ANO4: variants seen among roughly 807,000 people sequenced by gnomAD.
The protein encoded by ANO4 is anoctamin-4.
Under a neutral mutation model 141.9 loss-of-function variants are expected in ANO4, and 69 were observed. The observed-to-expected ratio is 0.49, with a 90% CI of 0.40 to 0.59. ANO4 has a LOEUF of 0.59. Ranked by LOEUF, ANO4 falls within the 20% of genes least tolerant of loss-of-function variation. The probability of loss-of-function intolerance (pLI) is 0.00; values close to 1 mark genes in which losing one functional copy is unlikely to be tolerated. For missense variants in ANO4, 894 were observed against 1,162.2 expected (o/e 0.77, Z 3.36); for synonymous variants, 350 against 394.3 (o/e 0.89, Z 1.33).
At chr12:100,876,812 G>A (rs913909174) in intron 1 of ANO4, among the ~76,000 whole-genome samples, 10 of 152,148 alleles carry the variant, frequency 6.6e-5, no homozygotes, top group African/African-American at 9.7e-5. Context: ...ATTGGTTGAT[G>A]TGCCTGTTTT....
intron 1 of ANO4, among the ~76,000 whole-genome samples, chr12:100,721,631 T>C (rs759864192): frequency 1.3e-5 from 2 of 152,094 alleles, no homozygotes; most frequent in Non-Finnish European, 2.9e-5. Flanking sequence ...CTGGAAGTCA[T>C]TGTGGAGTCC....
chr12:100,910,228 A>G (rs2041041197), intron 2 of ANO4, among the ~76,000 whole-genome samples: 1 of 152,142 alleles, frequency 6.6e-6, no homozygotes, highest in African/African-American at 2.4e-5. Flanking sequence ...TAAATAAAGA[A>G]ATCATTTTTC....
intron 2 of ANO4, 47 bp from the exon 3 acceptor site, chr12:100,922,179 T>C (rs914794236): frequency 1.7e-5 from 23 of 1,379,038 alleles, no homozygotes; most frequent in Non-Finnish European, 2.2e-5. Context: ...AATGACAGAC[T>C]CTCTGATAAC....
chr12:101,108,411 A>C (rs1286753823), intron 22 of ANO4, among the ~76,000 whole-genome samples: 2 of 152,064 alleles, frequency 1.3e-5, no homozygotes, highest in Admixed American at 6.6e-5. Context: ...GTCCTTTCTT[A>C]CTTAACTTGT....
chr12:100,840,297 G>C (rs1233614370), intron 1 of ANO4, among the ~76,000 whole-genome samples: 1 of 152,094 alleles, frequency 6.6e-6, no homozygotes, highest in African/African-American at 2.4e-5. Flanking sequence ...ATTGGTTCTT[G>C]TAAGTGTTGA....
At chr12:100,870,816 A>C (rs1423765943) in intron 1 of ANO4, among the ~76,000 whole-genome samples, 2 of 152,178 alleles carry the variant, frequency 1.3e-5, no homozygotes, top group African/African-American at 4.8e-5. Context: ...AGAGTTCCAA[A>C]TGTATAATTA....
chr12:100,836,481 TCCCTCCC>T (rs1343154542), intron 1 of ANO4, among the ~76,000 whole-genome samples: 1 of 135,648 alleles, frequency 7.4e-6, no homozygotes, highest in African/African-American at 2.7e-5. Context: ...CCTAATGCTA[TCCCTCCC>T]CCCTCCCCCC....
intron 17 of ANO4, among the ~76,000 whole-genome samples, chr12:101,089,646 T>C (rs1203592837): frequency 1.3e-5 from 2 of 152,212 alleles, no homozygotes; most frequent in Admixed American, 1.3e-4. Context: ...TAAAATTTAA[T>C]TTATACATCT....
intron 3 of ANO4, among the ~76,000 whole-genome samples, chr12:100,768,177 CA>C (rs2033163103): frequency 6.6e-6 from 1 of 152,190 alleles, no homozygotes; most frequent in Admixed American, 6.5e-5. Context: ...ATCCTGGGGC[CA>C]TAGGGGCTGG....
chr12:100,761,147 C>T (rs747681389), intron 3 of ANO4, among the ~76,000 whole-genome samples: 1 of 152,080 alleles, frequency 6.6e-6, no homozygotes, highest in South Asian at 2.1e-4. Flanking sequence ...ACTGTATTTC[C>T]CCCACTCCAA....
At chr12:100,799,621 A>G (rs1864016215) in intron 1 of ANO4, among the ~76,000 whole-genome samples, 1 of 152,104 alleles carries the variant, frequency 6.6e-6, no homozygotes, top group Non-Finnish European at 1.5e-5. Flanking sequence ...CGCGCCTGTA[A>G]TCCCAGCTAC....
chr12:100,723,164 A>T (rs976570186), intron 1 of ANO4, among the ~76,000 whole-genome samples: 26 of 152,174 alleles, frequency 1.7e-4, no homozygotes, highest in African/African-American at 5.6e-4. Flanking sequence ...AAATTAAAAA[A>T]TTTTTTTGAT....
At chr12:100,816,635 A>G (rs374553054) in intron 1 of ANO4, among the ~76,000 whole-genome samples, 16 of 152,092 alleles carry the variant, frequency 1.1e-4, no homozygotes, top group African/African-American at 3.4e-4. Context: ...ATTAGAGTCA[A>G]TAGGACTTCA....
intron 24 of ANO4, among the ~76,000 whole-genome samples, chr12:101,114,684 A>G (rs2050786179): frequency 6.6e-6 from 1 of 151,960 alleles, no homozygotes; most frequent in African/African-American, 2.4e-5. Context: ...CAGTTCCCAG[A>G]ACACCTTTCC....
chr12:100,982,943 G>A (rs1213687978), intron 7 of ANO4, among the ~76,000 whole-genome samples: 1 of 152,244 alleles, frequency 6.6e-6, no homozygotes, highest in Admixed American at 6.5e-5. Flanking sequence ...CTAAGGTTAG[G>A]TGAGGATAAA....
chr12:100,817,162 G>A (rs1171670646), intron 1 of ANO4, among the ~76,000 whole-genome samples: 1 of 151,870 alleles, frequency 6.6e-6, no homozygotes. Context: ...TATATGCTAT[G>A]TAGATCTTTC....
intron 14 of ANO4, among the ~76,000 whole-genome samples, chr12:101,064,094 C>T (rs968802729): frequency 6.6e-6 from 1 of 151,802 alleles, no homozygotes. Flanking sequence ...TTTCTAATTT[C>T]TTAAGGTAAA....
chr12:101,022,041 C>CAAAAAAA (rs34942464), intron 9 of ANO4, among the ~76,000 whole-genome samples: 1 of 76,112 alleles, frequency 1.3e-5, no homozygotes, highest in African/African-American at 4.1e-5. Context: ...ATGACTCTGC[C>CAAAAAAA]AAAAAAAAAA....
chr12:101,028,212 C>T (rs1479442721), intron 9 of ANO4, among the ~76,000 whole-genome samples: 2 of 152,138 alleles, frequency 1.3e-5, no homozygotes, highest in African/African-American at 4.8e-5. Context: ...GACAAACTCA[C>T]AAAGATGAGA....
Sources: gnomAD v4.1 joint callset for allele counts (sites outside exome capture counted in the v4.1 genomes callset) on GRCh38, gnomAD v4.1.1 for gene constraint, MANE v1.5 for transcripts, NCBI Gene and HGNC (gene_info 2026-07-23, HGNC 2026-07-21) for gene names.